Variants in SCD5 observed in about 807,000 individuals in gnomAD.
SCD5 encodes acyl-CoA-desaturase 4.
In SCD5, 20 loss-of-function variants were observed where a neutral mutation model predicts 30.4. That is an observed-to-expected ratio of 0.66 (90% CI 0.46 to 0.96). SCD5 has a LOEUF of 0.96. Ranked by LOEUF, SCD5 falls within the 40% of genes least tolerant of loss-of-function variation. The pLI is 0.00. For synonymous variants in SCD5, 173 were observed against 176.4 expected (o/e 0.98, Z 0.16); for missense variants, 381 against 443.3 (o/e 0.86, Z 1.26).
chr4:82,690,244 C>G (rs986463563), intron 2 of SCD5, among the ~76,000 whole-genome samples: 4 of 151,950 alleles, frequency 2.6e-5, no homozygotes, highest in Non-Finnish European at 5.9e-5. Context: ...CCAAATGATT[C>G]ATAAAAAAAG....
At chr4:82,652,876 G>C (rs1238175450) in intron 3 of SCD5, among the ~76,000 whole-genome samples, 1 of 152,192 alleles carries the variant, frequency 6.6e-6, no homozygotes, top group East Asian at 1.9e-4. Context: ...ACTTCAGTTG[G>C]GTGTGGTGGC....
intron 4 of SCD5, among the ~76,000 whole-genome samples, chr4:82,633,117 T>C (rs768306439): frequency 1.3e-5 from 2 of 152,154 alleles, no homozygotes; most frequent in Non-Finnish European, 2.9e-5. Flanking sequence ...GACTGAAAAT[T>C]TGTACCCTTT....
intron 4 of SCD5, among the ~76,000 whole-genome samples, chr4:82,632,436 T>C (rs1321735823): frequency 6.6e-6 from 1 of 152,116 alleles, no homozygotes; most frequent in East Asian, 1.9e-4. Flanking sequence ...CAGTCTATCA[T>C]TGATGGATAT....
rs551507530 is a variant in SCD5, at chr4:82,694,477, G to T, written c.363+10806C>A. ...CTCAGGAAAACTCTTGAGTATTTCA[G>T]TGAGGATCTTGTTCTTAGACCTTTG... On this transcript the variant is annotated intron_variant, in intron 2 of 4. Coordinates refer to ENST00000319540, the MANE Select transcript of SCD5 (RefSeq NM_001037582.3). 3.3e-4 allele frequency among the ~76,000 whole-genome samples: 51 copies of T among 152,288 alleles called. 1 individual carries two copies. Among genetic ancestry groups the T allele is most frequent in the Non-Finnish European group, 6.6e-4 (45 of 68,004 alleles).
chr4:82,705,521 G>A (rs6853042), intron 1 of SCD5, 108 bp from the exon 2 acceptor site: 1,328,297 of 1,427,412 alleles, frequency 0.93, 618,509 homozygotes, highest in East Asian at 1. Context: ...GTGTCAGGGG[G>A]GAAAGCTGCA....
intron 1 of SCD5, among the ~76,000 whole-genome samples, chr4:82,730,666 T>G (rs374664328): frequency 1.4e-5 from 2 of 145,424 alleles, no homozygotes; most frequent in East Asian, 2.0e-4. Context: ...GCTCACTGCA[T>G]GCTCTGCCTC....
chr4:82,766,930 G>A (rs915952617), intron 1 of SCD5, among the ~76,000 whole-genome samples: 4 of 151,936 alleles, frequency 2.6e-5, no homozygotes, highest in Non-Finnish European at 2.9e-5. Flanking sequence ...CGCCCACCTC[G>A]ACCTCCCAAA....
At chr4:82,787,309 T>G in intron 1 of SCD5, among the ~76,000 whole-genome samples, 1 of 129,256 alleles carries the variant, frequency 7.7e-6, no homozygotes, top group Non-Finnish European at 1.5e-5. Flanking sequence ...TGGTTTTCCC[T>G]TTTTTTTTTT....
chr4:82,661,001 C>T, intron 3 of SCD5: 2 of 1,614,138 alleles, frequency 1.2e-6, no homozygotes, highest in Non-Finnish European at 1.7e-6. Context: ...AATATATGCC[C>T]TTGATGCCAT....
intron 3 of SCD5, among the ~76,000 whole-genome samples, chr4:82,665,390 G>A (rs1273746332): frequency 6.6e-6 from 1 of 151,300 alleles, no homozygotes; most frequent in Non-Finnish European, 1.5e-5. Flanking sequence ...AAAAAAAAAT[G>A]AATCTAGATA....
chr4:82,640,382 A>G (rs1354063132), intron 3 of SCD5, among the ~76,000 whole-genome samples: 1 of 152,200 alleles, frequency 6.6e-6, no homozygotes, highest in African/African-American at 2.4e-5. Context: ...TTCCTCAAAA[A>G]AGACATTCTT....
chr4:82,703,813 C>T (rs940560701), intron 2 of SCD5, among the ~76,000 whole-genome samples: 3 of 152,124 alleles, frequency 2.0e-5, no homozygotes, highest in African/African-American at 7.2e-5. Context: ...ATTGCTTGAA[C>T]ACAAGAAATG....
intron 2 of SCD5, among the ~76,000 whole-genome samples, chr4:82,704,780 G>C (rs1719934291): frequency 6.6e-6 from 1 of 152,206 alleles, no homozygotes; most frequent in African/African-American, 2.4e-5. Flanking sequence ...TAAGAGCAAT[G>C]ACTTGGAGTC....
At chr4:82,721,836 A>T (rs1720375907) in intron 1 of SCD5, among the ~76,000 whole-genome samples, 1 of 152,262 alleles carries the variant, frequency 6.6e-6, no homozygotes, top group Non-Finnish European at 1.5e-5. Flanking sequence ...AAATGCTAAA[A>T]TCATTAGATG....
At chr4:82,746,883 C>T (rs1010307421) in intron 1 of SCD5, among the ~76,000 whole-genome samples, 1 of 152,078 alleles carries the variant, frequency 6.6e-6, no homozygotes, top group Non-Finnish European at 1.5e-5. Context: ...TTCCAAGACC[C>T]CTCTGGCCTA....
At chr4:82,785,409 C>T (rs935252686) in intron 1 of SCD5, among the ~76,000 whole-genome samples, 1 of 152,226 alleles carries the variant, frequency 6.6e-6, no homozygotes, top group Non-Finnish European at 1.5e-5. Context: ...ACAAGCCTTA[C>T]TAACCACCCT....
intron 1 of SCD5, among the ~76,000 whole-genome samples, chr4:82,797,255 C>T (rs1722245380): frequency 6.6e-6 from 1 of 152,224 alleles, no homozygotes; most frequent in Non-Finnish European, 1.5e-5. Context: ...CTCCTGCCCG[C>T]CCCTAGAGAT....
intron 3 of SCD5, among the ~76,000 whole-genome samples, chr4:82,643,562 G>C (rs6813051): frequency 0.2 from 29,666 of 152,082 alleles, 3,056 homozygotes; most frequent in East Asian, 0.37. Flanking sequence ...CCAGGAGCTG[G>C]GGGTGAAGAG....
At chr4:82,715,740 G>A (rs978869337) in intron 1 of SCD5, among the ~76,000 whole-genome samples, 2 of 151,702 alleles carry the variant, frequency 1.3e-5, no homozygotes, top group African/African-American at 4.9e-5. Flanking sequence ...GGAAAAACTT[G>A]ATGACCAGAA....
Sources: allele counts gnomAD v4.1 joint callset (sites outside exome capture counted in the v4.1 genomes callset), GRCh38; gene constraint gnomAD v4.1.1; transcripts MANE v1.5; gene names NCBI Gene and HGNC (gene_info 2026-07-23, HGNC 2026-07-21).